CEP164: variants seen among roughly 807,000 people sequenced by gnomAD.
CEP164 encodes the protein centrosomal protein of 164 kDa.
Under a neutral mutation model 182.7 loss-of-function variants are expected in CEP164, and 162 were observed. The observed-to-expected ratio is 0.89, with a 90% CI of 0.78 to 1.01. CEP164 has a LOEUF of 1.01. Ranked by LOEUF, CEP164 falls within the 50% of genes least tolerant of loss-of-function variation. The pLI is 0.00. For missense variants in CEP164, 1,735 were observed against 1,790.4 expected, an observed-to-expected ratio of 0.97 and a Z score of 0.56; for synonymous variants, 661 against 690.0, an observed-to-expected ratio of 0.96 and a Z score of 0.66.
intron 11 of CEP164, among the ~76,000 whole-genome samples, chr11:117,379,974 G>A (rs1293864525): frequency 6.6e-6 from 1 of 151,598 alleles, no homozygotes; most frequent in African/African-American, 2.4e-5. Context: ...TGCTGACTGG[G>A]AAGGGGGCAT....
intron 15 of CEP164, among the ~76,000 whole-genome samples, chr11:117,388,515 T>C (rs1479948576): frequency 3.3e-5 from 5 of 152,242 alleles, no homozygotes; most frequent in African/African-American, 1.2e-4. Context: ...TCCTTCCGTC[T>C]GCTGGGAACT....
chr11:117,336,601 G>T, intron 2 of CEP164: 1 of 1,419,510 alleles, frequency 7.0e-7, no homozygotes, highest in Non-Finnish European at 9.9e-7. Context: ...TATGGATTTG[G>T]CCCTGGCTGT....
In CEP164 at chr11:117,394,263, G is replaced by A. The variant is rs2045115518; in HGVS notation, c.2617-87G>A. 2 of 1,514,612 alleles carry A rather than the reference G, an allele frequency of 1.3e-6. No individual in the cohort carries two copies. Among genetic ancestry groups the A allele is most frequent in the African/African-American group, 1.4e-5 (1 of 72,170 alleles). 93.8% of individuals were successfully genotyped at this position (1,514,612 alleles called of 1,614,324 possible). A position where few individuals can be genotyped will look rare whatever the true frequency, so the allele number is the denominator to read the frequency against. On this transcript the variant is annotated intron_variant, in intron 20 of 32. Transcript: ENST00000278935. The surrounding 1 kb of genome is among the most constrained non-coding windows in gnomAD (Gnocchi z 4.0). ...CGATGGTGTCCCTGATCTTACTGAT[G>A]CAAGGCTGCAGGGCTAGGGGAGCTG...
In CEP164 at chr11:117,375,696, C is replaced by G; in HGVS notation, c.1234-12C>G. The G allele has an allele frequency of 6.2e-7, 1 of 1,613,750 alleles. No homozygotes were observed. Among genetic ancestry groups the G allele is most frequent in the Non-Finnish European group, 8.5e-7 (1 of 1,179,690 alleles). On this transcript the variant is annotated splice_polypyrimidine_tract_variant and intron_variant, in intron 10 of 32. Transcript: ENST00000278935. The stretch of plus-strand genomic sequence containing the variant: ...GAGGCAGAGTTGACCTTTGCATCTC[C>G]ACTGTCTCCAGGACTTCGGTTTTCG...
chr11:117,358,655 C>G (rs972088403), intron 5 of CEP164, among the ~76,000 whole-genome samples: 1 of 151,618 alleles, frequency 6.6e-6, no homozygotes, highest in African/African-American at 2.4e-5. Context: ...GCAATCCTCC[C>G]GAGTAGCTGG....
intron 28 of CEP164, among the ~76,000 whole-genome samples, chr11:117,408,369 T>C (rs1385853091): frequency 6.6e-6 from 1 of 152,178 alleles, no homozygotes; most frequent in Non-Finnish European, 1.5e-5. Flanking sequence ...ATGATAGATT[T>C]TCCTACCTGC....
chr11:117,396,014 C>T, intron 24 of CEP164, 40 bp from the exon 25 acceptor site: 1 of 1,612,902 alleles, frequency 6.2e-7, no homozygotes. Flanking sequence ...CCCCCATCGC[C>T]AGCCGCTGCC....
chr11:117,333,232 A>C (rs1053466782), intron 1 of CEP164, among the ~76,000 whole-genome samples: 1 of 151,934 alleles, frequency 6.6e-6, no homozygotes, highest in Admixed American at 6.6e-5. Flanking sequence ...AGCTAGTCTC[A>C]AACTCCTGGC....
chr11:117,404,601 C>T (rs765316295), intron 27 of CEP164, among the ~76,000 whole-genome samples: 4 of 152,212 alleles, frequency 2.6e-5, no homozygotes, highest in Admixed American at 6.5e-5. Flanking sequence ...CCCTGCTAGG[C>T]GGTGTCTCCC....
intron 5 of CEP164, among the ~76,000 whole-genome samples, chr11:117,353,760 C>T (rs994636980): frequency 3.3e-5 from 5 of 152,116 alleles, no homozygotes; most frequent in African/African-American, 1.2e-4. Context: ...TGGAGGTGTG[C>T]ACTCACAGTC....
Position 117,397,154 on chromosome 11 carries a change from G to A in CEP164, c.3342G>A (p.Lys1114=). Residue 1114 remains lysine (K), a synonymous_variant, in exon 27 of 33, where the codon AAG becomes AAA. Coordinates refer to ENST00000278935, the MANE Select transcript of CEP164 (RefSeq NM_014956.5). ...AGGGGGTAGCCCTCCGTAGTGCCAA[G>A]GAGTTCCTTGTGCAGCAGACACGCT... is the stretch of plus-strand genomic sequence containing the variant. ...SAEGVALRSA[K]EFLVQQTRSM... 2 of 1,614,246 alleles carry A rather than the reference G, an allele frequency of 1.2e-6. No homozygotes were observed. Among genetic ancestry groups the A allele is most frequent in the Non-Finnish European group, 1.7e-6 (2 of 1,180,044 alleles).
chr11:117,393,724 A>G (rs537184529), intron 20 of CEP164, among the ~76,000 whole-genome samples: 1 of 152,342 alleles, frequency 6.6e-6, no homozygotes, highest in Admixed American at 6.5e-5. Context: ...ACCAAGAAAT[A>G]GACTGGCAAG....
Position 117,375,624 on chromosome 11 carries a change from A to G in CEP164, c.1234-84A>G, listed in dbSNP as rs1046341230. ...GCACATAATAGACATCTTTCTGGAAAGTGGAGTTGGGGTAGTGAAGAGGCC... is the reference window on the plus strand; with the variant it reads ...GCACATAATAGACATCTTTCTGGAAGGTGGAGTTGGGGTAGTGAAGAGGCC... On this transcript the variant is annotated intron_variant, in intron 10 of 32. Transcript: ENST00000278935. 9 of 1,044,296 alleles carry G rather than the reference A, an allele frequency of 8.6e-6. No individual in the cohort carries two copies. The East Asian group carries it at 2.2e-4, about 25-fold the overall frequency. The allele number at this position is 1,044,296 out of a possible 1,614,324, so 64.7% of individuals were successfully genotyped here. A position where few individuals can be genotyped will look rare whatever the true frequency, so the allele number is the denominator to read the frequency against.
intron 11 of CEP164, among the ~76,000 whole-genome samples, chr11:117,376,207 G>T (rs926694648): frequency 6.6e-6 from 1 of 152,178 alleles, no homozygotes; most frequent in African/African-American, 2.4e-5. Context: ...GCCTCTGCCT[G>T]CCACTCTGCT....
chr11:117,407,383 C>A (rs1330881758), intron 27 of CEP164, among the ~76,000 whole-genome samples: 2 of 128,764 alleles, frequency 1.6e-5, no homozygotes, highest in African/African-American at 5.8e-5. Context: ...AATCCCAGTG[C>A]TTTGGGAGGC....
chr11:117,343,375 G>A (rs573827), intron 3 of CEP164, among the ~76,000 whole-genome samples: 34,797 of 151,932 alleles, frequency 0.23, 4,144 homozygotes, highest in African/African-American at 0.28. Context: ...CTTCATTACA[G>A]CACGTGTCAC....
At position 117,409,871 on chromosome 11, in the gene CEP164, G is replaced by A; in HGVS notation, c.4002G>A (p.Trp1334Ter). ...LSSATPTSTQWAWDSGQGPRL... is the reference protein window; with the variant it reads ...LSSATPTSTQ ...CTGCTACACCCACGTCCACCCAATGGGCCTGGGATTCAGGGCAGGGGCCCA... is the reference window on the plus strand; with the variant it reads ...CTGCTACACCCACGTCCACCCAATGAGCCTGGGATTCAGGGCAGGGGCCCA... Residue 1334 changes from tryptophan (W) to a stop codon, truncating the protein, a stop_gained, in exon 30 of 33, where the codon TGG (tryptophan) becomes TGA (stop). Transcript: ENST00000278935. LOFTEE classifies it high-confidence loss of function. The surrounding 1 kb of genome is among the most constrained non-coding windows in gnomAD (Gnocchi z 4.4). The A allele has an allele frequency of 1.2e-6, 2 of 1,612,942 alleles. No homozygotes were observed. Among genetic ancestry groups the A allele is most frequent in the Non-Finnish European group, 1.7e-6 (2 of 1,179,844 alleles).
intron 11 of CEP164, among the ~76,000 whole-genome samples, chr11:117,379,016 C>T (rs995587940): frequency 2.0e-5 from 3 of 152,114 alleles, no homozygotes; most frequent in East Asian, 1.9e-4. Context: ...CCTGTCACCT[C>T]GACAGGTGAG....
chr11:117,406,325 G>T (rs574363929), intron 27 of CEP164, among the ~76,000 whole-genome samples: 1 of 152,266 alleles, frequency 6.6e-6, no homozygotes, highest in East Asian at 1.9e-4. Context: ...ATCAGATCTC[G>T]TGAGACTTAT....
Sources: gnomAD v4.1 joint callset for allele counts (sites outside exome capture counted in the v4.1 genomes callset) on GRCh38, gnomAD v4.1.1 for gene constraint, Gnocchi (gnomAD v3.1) non-coding constraint, MANE v1.5 for transcripts, NCBI Gene and HGNC (gene_info 2026-07-23, HGNC 2026-07-21) for gene names.